The following C9orf57 variants were observed in gnomAD, a reference collection of about 807,000 sequenced individuals.
C9orf57 encodes the protein chromosome 9 open reading frame 57.
C9orf57 carries 12 observed loss-of-function variants against 12.9 expected under a neutral mutation model. The ratio of observed to expected loss-of-function variants is 0.93; its 90% confidence interval spans 0.60 to 1.51. The LOEUF is 1.51. Ranked by LOEUF, C9orf57 falls within the 40% of genes most tolerant of loss-of-function variation. C9orf57 has a pLI of 0.00. For missense variants in C9orf57, 141 were observed against 162.8 expected (o/e 0.87, Z 0.73); for synonymous variants, 49 against 57.1 (o/e 0.86, Z 0.64).
In C9orf57 at chr9:72,056,216, A is replaced by G. The variant is rs1242005232; in HGVS notation, c.158-20T>C. 3 of 1,541,832 alleles carry G rather than the reference A, an allele frequency of 1.9e-6. No individual in the cohort carries two copies. The highest frequency in any genetic ancestry group is 2.6e-6 in the Non-Finnish European group (3 of 1,141,212). ...CAACATCTCCAAGTACAGGGGCAGA[A>G]AAATGAGAAAGTAGTGATAGATACG... On this transcript the variant is annotated intron_variant, in intron 3 of 4. Transcript: ENST00000651200.
chr9:72,059,234 C>G lies in C9orf57; in HGVS notation c.97+1G>C. 3.2e-6 allele frequency: 5 copies of G among 1,551,646 alleles called. No individual in the cohort carries two copies. The highest frequency in any genetic ancestry group is 4.4e-6 in the Non-Finnish European group (5 of 1,146,978). On this transcript the variant is annotated splice_donor_variant, in intron 2 of 4. Coordinates refer to ENST00000651200, the MANE Select transcript of C9orf57 (RefSeq NM_001128618.2). LOFTEE classifies it high-confidence loss of function. ...TAACTTATGCTTTCCTAATGACTTA[C>G]CACCTAAGCGGCCGAATAAGATAAC...
rs1824276774 is a variant in C9orf57 at position 72,059,291 on chromosome 9, A to G, written c.41T>C (p.Leu14Pro). The change falls in exon 2 of 5, where the codon CTC (leucine) becomes CCC (proline). Residue 14 changes from leucine (L) to proline (P), a missense_variant. Leu to Pro is a moderately conservative substitution (Grantham distance 98). Coordinates refer to ENST00000651200, the MANE Select transcript of C9orf57 (RefSeq NM_001128618.2). Reference protein sequence around the residue: ...IVFAGVILFRLLGVILFRLLG... With the variant: ...IVFAGVILFRPLGVILFRLLG... ...GAGGCGGAATAAGATAACACCTAAG[A>G]GGCGGAATAAGATAACACCAGCAAA... is the stretch of plus-strand genomic sequence containing the variant. The G allele has an allele frequency of 1.3e-6, 2 of 1,551,798 alleles. No individual in the cohort carries two copies. Among genetic ancestry groups the G allele is most frequent in the Non-Finnish European group, 8.7e-7 (1 of 1,147,008 alleles).
intron 1 of C9orf57, among the ~76,000 whole-genome samples, chr9:72,060,210 C>A (rs1284610032): frequency 6.6e-6 from 1 of 152,136 alleles, no homozygotes; most frequent in Non-Finnish European, 1.5e-5. Flanking sequence ...CAACACCCGG[C>A]TAATTTTTGT....
chr9:72,052,054 A>G lies in C9orf57; in HGVS notation c.*242T>C. ...AGCCTTGTGGTAGGAAGGTAAATTAAGCAGAAGGAGGAGAGGAGAGAAATG... is the reference window on the plus strand; with the variant it reads ...AGCCTTGTGGTAGGAAGGTAAATTAGGCAGAAGGAGGAGAGGAGAGAAATG... On this transcript the variant is annotated 3_prime_UTR_variant, in exon 5 of 5. Coordinates refer to ENST00000651200, the MANE Select transcript of C9orf57 (RefSeq NM_001128618.2). The G allele has an allele frequency of 2.4e-6, 1 of 423,912 alleles. No individual in the cohort carries two copies. The highest frequency in any genetic ancestry group is 4.2e-6 in the Non-Finnish European group (1 of 238,744). The allele number at this position is 423,912 out of a possible 1,614,324, so 26.3% of individuals were successfully genotyped here.
chr9:72,060,453 G>A (rs778807329), intron 1 of C9orf57, 44 bp downstream of exon 1: 1 of 970,078 alleles, frequency 1.0e-6, no homozygotes, highest in South Asian at 1.4e-5. Context: ...GGAAGAAATT[G>A]TAAGATTGGG....
chr9:72,059,177 C>A (rs1824273784), intron 2 of C9orf57, 58 bp downstream of exon 2: 7 of 1,546,756 alleles, frequency 4.5e-6, no homozygotes, highest in Non-Finnish European at 6.1e-6. Flanking sequence ...CCACGCTCGG[C>A]CCTACAATTT....
intron 2 of C9orf57, among the ~76,000 whole-genome samples, chr9:72,057,856 C>T (rs1433452731): frequency 6.6e-6 from 1 of 152,120 alleles, no homozygotes; most frequent in African/African-American, 2.4e-5. Context: ...AATTCAGTGG[C>T]TTGAAAATAT....
intron 4 of C9orf57, among the ~76,000 whole-genome samples, chr9:72,055,324 T>G (rs1824166795): frequency 1.5e-5 from 2 of 136,624 alleles, no homozygotes; most frequent in African/African-American, 2.8e-5. Flanking sequence ...CTTTCTCTCT[T>G]TCTCTTTCCT....
chr9:72,056,841 G>A lies in C9orf57; in HGVS notation c.100C>T (p.Leu34=). The A allele has an allele frequency of 1.3e-6, 2 of 1,550,374 alleles. No individual in the cohort carries two copies. Among genetic ancestry groups the A allele is most frequent in the South Asian group, 1.2e-5 (1 of 84,020 alleles). The change falls in exon 3 of 5, where the codon CTG becomes TTG. Residue 34 remains leucine (L), a splice_region_variant and synonymous_variant. Coordinates refer to ENST00000651200, the MANE Select transcript of C9orf57 (RefSeq NM_001128618.2). ...GVILFGRLGD[L]GTCQTKPGQY... ...CCAGGTTTTGTCTGGCAGGTTCCCA[G>A]GTCTAAAAGACATCCATGGAAGGGG...
Position 72,056,151 on chromosome 9 carries a change from A to C in C9orf57, c.203T>G (p.Phe68Cys), listed in dbSNP as rs1239058558. The change falls in exon 4 of 5, where the codon TTC becomes TGC. Residue 68 changes from phenylalanine to cysteine, a missense_variant. Transcript: ENST00000651200. ...ICRACNLSLP[F>C]HGCLLDLGTC... ...TCCCAGGTCTAAAAGACATCCATGGAAGGGCAGTGAAAGATTGCATGCTCT... is the reference window on the plus strand; with the variant it reads ...TCCCAGGTCTAAAAGACATCCATGGCAGGGCAGTGAAAGATTGCATGCTCT... 6.4e-7 allele frequency: 1 copy of C among 1,551,028 alleles called. No homozygotes were observed. The highest frequency in any genetic ancestry group is 2.0e-5 in the Admixed American group (1 of 50,978).
chr9:72,058,381 G>C (rs372360174), intron 2 of C9orf57, among the ~76,000 whole-genome samples: 2 of 152,026 alleles, frequency 1.3e-5, no homozygotes, highest in African/African-American at 2.4e-5. Flanking sequence ...GGCTGGTCTT[G>C]AACTCCTGAG....
rs370955354 is a variant in C9orf57, at chr9:72,053,990, T to C, written c.281-1555A>G. Among the ~76,000 whole-genome samples, 4 of 152,310 alleles carry C rather than the reference T, an allele frequency of 2.6e-5. No homozygotes were observed. In the East Asian group the frequency reaches 7.7e-4, roughly 29 times the overall value. ...GAATAGTTCCCTATAGATGAACGTT[T>C]AGGTCATTTCTTTTTGTATTTTTTT... On this transcript the variant is annotated intron_variant, in intron 4 of 4. Transcript: ENST00000651200.
At chr9:72,056,680 C>T in intron 3 of C9orf57, 104 bp downstream of exon 3, 4 of 1,180,138 alleles carry the variant, frequency 3.4e-6, no homozygotes, top group South Asian at 1.5e-5. Context: ...GTAATGTAGC[C>T]CTGGCAAAGC....
chr9:72,060,332 A>G (rs1824307743), intron 1 of C9orf57, among the ~76,000 whole-genome samples, 165 bp downstream of exon 1: 1 of 152,228 alleles, frequency 6.6e-6, no homozygotes, highest in Non-Finnish European at 1.5e-5. Flanking sequence ...GGCGTGAGCC[A>G]CCACGCCCGG....
Position 72,052,116 on chromosome 9 carries a change from G to A in C9orf57, c.*180C>T. On this transcript the variant is annotated 3_prime_UTR_variant, in exon 5 of 5. Transcript: ENST00000651200. Reference sequence around the variant, plus strand: ...GCTATTTCTCAGATGAGTTGGAGGTGGTGGGGGAGATATTGGGAATATTGA... The same window carrying A: ...GCTATTTCTCAGATGAGTTGGAGGTAGTGGGGGAGATATTGGGAATATTGA... 3 of 600,378 alleles carry A rather than the reference G, an allele frequency of 5.0e-6. No homozygotes were observed. The highest frequency in any genetic ancestry group is 8.6e-6 in the Non-Finnish European group (3 of 350,380). The allele number at this position is 600,378 out of a possible 1,614,324, so 37.2% of individuals were successfully genotyped here. A position where few individuals can be genotyped will look rare whatever the true frequency, so the allele number is the denominator to read the frequency against.
Position 72,060,501 on chromosome 9 carries a change from C to A in C9orf57, c.-58G>T, listed in dbSNP as rs376790992. On this transcript the variant is annotated 5_prime_UTR_variant, in exon 1 of 5. Coordinates refer to ENST00000651200, the MANE Select transcript of C9orf57 (RefSeq NM_001128618.2). The stretch of plus-strand genomic sequence containing the variant: ...TTTCAGTTGTTCATGACCTACCTAT[C>A]TTTTTCATTAAGGTACTATGGAAAT... The A allele has an allele frequency of 1.4e-6, 2 of 1,459,958 alleles. No homozygotes were observed. The highest frequency in any genetic ancestry group is 1.9e-6 in the Non-Finnish European group (2 of 1,063,826). The allele number at this position is 1,459,958 out of a possible 1,614,324, so 90.4% of individuals were successfully genotyped here. A position where few individuals can be genotyped will look rare whatever the true frequency, so the allele number is the denominator to read the frequency against.
Position 72,059,354 on chromosome 9 carries a change from A to G in C9orf57, c.-23T>C, listed in dbSNP as rs1466364604. 2.6e-6 allele frequency: 4 copies of G among 1,551,666 alleles called. No individual in the cohort carries two copies. The African/African-American group carries it at 5.5e-5, about 21-fold the overall frequency. ...CATTCTGATTTCCAAGCCGAAAAGG[A>G]GATGAAAGGAAAGACACGTCCCACT... On this transcript the variant is annotated 5_prime_UTR_variant, in exon 2 of 5. Coordinates refer to ENST00000651200, the MANE Select transcript of C9orf57 (RefSeq NM_001128618.2).
chr9:72,057,586 T>C (rs144074290), intron 2 of C9orf57, among the ~76,000 whole-genome samples: 2,482 of 152,306 alleles, frequency 0.016, 59 homozygotes, highest in African/African-American at 0.057. Context: ...GCTGTATTTA[T>C]GAATTGGAAG....
Position 72,054,009 on chromosome 9 carries a change from T to C in C9orf57, c.281-1574A>G, listed in dbSNP as rs193114516. Among the ~76,000 whole-genome samples the C allele has an allele frequency of 3.3e-5, 5 of 152,336 alleles. No individual in the cohort carries two copies. In the East Asian group the frequency reaches 9.6e-4, roughly 29 times the overall value. On this transcript the variant is annotated intron_variant, in intron 4 of 4. Coordinates refer to ENST00000651200, the MANE Select transcript of C9orf57 (RefSeq NM_001128618.2). ...AACGTTTAGGTCATTTCTTTTTGTATTTTTTTGAGATGGTGTTTCGCTCTT... is the reference window on the plus strand; with the variant it reads ...AACGTTTAGGTCATTTCTTTTTGTACTTTTTTGAGATGGTGTTTCGCTCTT...
Sources: gnomAD v4.1 joint callset for allele counts (sites outside exome capture counted in the v4.1 genomes callset) on GRCh38, gnomAD v4.1.1 for gene constraint, MANE v1.5 for transcripts, NCBI Gene and HGNC (gene_info 2026-07-23, HGNC 2026-07-21) for gene names.